The following SLC8A3 variants were observed in gnomAD, a reference collection of about 807,000 sequenced individuals.
SLC8A3 encodes solute carrier family 8 member A3.
A neutral mutation model predicts 65.4 loss-of-function variants in SLC8A3; 37 were observed. That is an observed-to-expected ratio of 0.57 (90% CI 0.44 to 0.74). The LOEUF is 0.74. Ranked by LOEUF, SLC8A3 falls within the 30% of genes least tolerant of loss-of-function variation. The pLI is 0.00. For missense variants in SLC8A3, 1,112 were observed against 1,172.1 expected (o/e 0.95, Z 0.75); for synonymous variants, 461 against 444.5 (o/e 1.04, Z -0.47).
intron 3 of SLC8A3, among the ~76,000 whole-genome samples, chr14:70,054,751 CA>C (rs1887895450): frequency 6.6e-6 from 1 of 152,038 alleles, no homozygotes; most frequent in African/African-American, 2.4e-5. Flanking sequence ...GAGTTACCTA[CA>C]TTTTTTTTGT....
In SLC8A3 at chr14:70,144,321, T is replaced by TTG. The variant is rs1470784067; in HGVS notation, c.1784+22317_1784+22318insCA. On this transcript the variant is annotated intron_variant, in intron 2 of 6. Coordinates refer to ENST00000356921, the MANE Select transcript of SLC8A3 (RefSeq NM_182932.3). The stretch of plus-strand genomic sequence containing the variant: ...CGAAAACTTCCTGTTTTTTTTTTTT[T>TTG]TTTTTTTTTTAAAAAAAAAAAAAAA... 5.0e-4 allele frequency among the ~76,000 whole-genome samples: 72 copies of TTG among 142,992 alleles called. No individual in the cohort carries two copies. The East Asian group carries it at 0.011, about 23-fold the overall frequency. The allele number at this position is 142,992 out of a possible 152,430, so 93.8% of individuals were successfully genotyped here.
rs191101111 is a variant in SLC8A3 at position 70,184,388 on chromosome 14, T to C, written c.-63+3991A>G. On this transcript the variant is annotated intron_variant, in intron 1 of 6. Transcript: ENST00000356921. ...ACAAGCCCTTTAAGGTTTGACCCTA[T>C]GCCTTCTCCACACTCAACTCCCCAC... Among the ~76,000 whole-genome samples, 159 of 152,364 alleles carry C rather than the reference T, an allele frequency of 1.0e-3. 1 individual carries two copies. The highest frequency in any genetic ancestry group is 7.0e-3 in the Admixed American group (107 of 15,302).
chr14:70,165,397 TTCCTCC>T (rs879289487), intron 2 of SLC8A3, among the ~76,000 whole-genome samples: 6 of 152,182 alleles, frequency 3.9e-5, no homozygotes, highest in African/African-American at 1.2e-4. Context: ...CATGAGTTCC[TTCCTCC>T]TCCTCTTCTA....
At chr14:70,093,827 G>C (rs775246146) in intron 2 of SLC8A3, among the ~76,000 whole-genome samples, 1 of 152,206 alleles carries the variant, frequency 6.6e-6, no homozygotes, top group Non-Finnish European at 1.5e-5. Context: ...AATGGAGCCT[G>C]TGTCCCCTGC....
At chr14:70,070,635 T>C (rs1430005062) in intron 2 of SLC8A3, among the ~76,000 whole-genome samples, 1 of 152,106 alleles carries the variant, frequency 6.6e-6, no homozygotes, top group Non-Finnish European at 1.5e-5. Context: ...GGGAGGTGGG[T>C]TTCAACTCTA....
At position 70,081,100 on chromosome 14, in the gene SLC8A3, C is replaced by A. The variant is rs953480572; in HGVS notation, c.1785-20161G>T. ...ATGAAAGCCTTTGGTGAAATAGAACCAAACAAAGCGGATACAAGCCGAGAC... is the reference window on the plus strand; with the variant it reads ...ATGAAAGCCTTTGGTGAAATAGAACAAAACAAAGCGGATACAAGCCGAGAC... On this transcript the variant is annotated intron_variant, in intron 2 of 6. Transcript: ENST00000356921. Among the ~76,000 whole-genome samples, 7 of 152,210 alleles carry A rather than the reference C, an allele frequency of 4.6e-5. No individual in the cohort carries two copies. In the East Asian group the frequency reaches 1.4e-3, roughly 29 times the overall value.
intron 2 of SLC8A3, among the ~76,000 whole-genome samples, chr14:70,077,956 A>G (rs1299042745): frequency 1.3e-5 from 2 of 152,338 alleles, no homozygotes; most frequent in East Asian, 3.9e-4. Flanking sequence ...GGACATTTAC[A>G]TATTCCTGTC....
intron 2 of SLC8A3, among the ~76,000 whole-genome samples, chr14:70,143,895 T>G (rs1300705856): frequency 1.3e-5 from 2 of 152,202 alleles, no homozygotes; most frequent in African/African-American, 2.4e-5. Context: ...CACTGCTTAC[T>G]TATCCTCTGT....
intron 2 of SLC8A3, chr14:70,064,048 C>A: frequency 1.6e-6 from 1 of 629,482 alleles, no homozygotes; most frequent in Non-Finnish European, 2.8e-6. Context: ...CAAGTTTGCC[C>A]CAACACCACA....
In SLC8A3 at chr14:70,167,684, G is replaced by C. The variant is rs894676481; in HGVS notation, c.739C>G (p.Leu247Val). 7 of 1,614,134 alleles carry C rather than the reference G, an allele frequency of 4.3e-6. No homozygotes were observed. The highest frequency in any genetic ancestry group is 5.1e-6 in the Non-Finnish European group (6 of 1,180,026). The change falls in exon 2 of 7, where the codon CTG (leucine) becomes GTG (valine). Residue 247 changes from leucine to valine, a missense_variant. Coordinates refer to ENST00000356921, the MANE Select transcript of SLC8A3 (RefSeq NM_182932.3). ...TLFFFPVCVL[L>V]AWVADKRLLF... ...AGTCGTTTATCTGCCACCCAGGCCA[G>C]AAGGACACACACTGGAAAGAAGAAG...
At chr14:70,127,100 A>C (rs983001394) in intron 2 of SLC8A3, among the ~76,000 whole-genome samples, 1 of 150,858 alleles carries the variant, frequency 6.6e-6, no homozygotes, top group African/African-American at 2.4e-5. Context: ...TCTGCCTTCT[A>C]TTTCCCTATA....
intron 2 of SLC8A3, among the ~76,000 whole-genome samples, chr14:70,151,808 T>A (rs986413026): frequency 6.6e-6 from 1 of 152,136 alleles, no homozygotes; most frequent in African/African-American, 2.4e-5. Context: ...CTTCTGGTGT[T>A]TCCTAGCAAT....
chr14:70,122,388 G>A (rs760628446), intron 2 of SLC8A3, among the ~76,000 whole-genome samples: 7 of 152,030 alleles, frequency 4.6e-5, no homozygotes, highest in African/African-American at 9.7e-5. Flanking sequence ...CACCCCTGTA[G>A]AAGAACTCCA....
intron 2 of SLC8A3, among the ~76,000 whole-genome samples, chr14:70,126,570 T>TCTCTCTCTCTCTCACACACACACA (rs1385909771): frequency 8.5e-6 from 1 of 116,996 alleles, no homozygotes; most frequent in Non-Finnish European, 1.8e-5. Flanking sequence ...TCTCTCTCTC[T>TCTCTCTCTCTCTCACACACACACA]CACACACACA....
chr14:70,116,835 G>A (rs547726965), intron 2 of SLC8A3, among the ~76,000 whole-genome samples: 2 of 152,316 alleles, frequency 1.3e-5, no homozygotes, highest in South Asian at 2.1e-4. Context: ...TGGATTCTCC[G>A]CATGGAATTT....
chr14:70,120,841 C>G (rs1460876066), intron 2 of SLC8A3, among the ~76,000 whole-genome samples: 1 of 152,128 alleles, frequency 6.6e-6, no homozygotes, highest in Non-Finnish European at 1.5e-5. Context: ...ACTGGAGGCA[C>G]AGTGATCTTT....
intron 1 of SLC8A3, among the ~76,000 whole-genome samples, chr14:70,170,695 C>T (rs184320694): frequency 8.5e-5 from 13 of 152,272 alleles, no homozygotes; most frequent in East Asian, 1.9e-4. Flanking sequence ...AGCCTGTGCT[C>T]AAAGAGAAAT....
intron 3 of SLC8A3, among the ~76,000 whole-genome samples, chr14:70,057,311 T>C (rs1566740068): frequency 1.3e-5 from 2 of 151,698 alleles, no homozygotes; most frequent in Admixed American, 1.3e-4. Flanking sequence ...GATAGATAGA[T>C]AGATAGATAG....
chr14:70,159,506 C>T (rs550708497), intron 2 of SLC8A3, among the ~76,000 whole-genome samples: 1 of 152,226 alleles, frequency 6.6e-6, no homozygotes, highest in South Asian at 2.1e-4. Flanking sequence ...CTACCTTCCT[C>T]CTGGAGTTGA....
Sources: allele counts gnomAD v4.1 joint callset (sites outside exome capture counted in the v4.1 genomes callset), GRCh38; gene constraint gnomAD v4.1.1; transcripts MANE v1.5; gene names NCBI Gene and HGNC (gene_info 2026-07-23, HGNC 2026-07-21).